The following SH3PXD2A variants were observed in gnomAD, a reference collection of about 807,000 sequenced individuals.
SH3PXD2A encodes SH3 and PX domains 2A, also known as SH3 and PX domain-containing protein 2A.
Under a neutral mutation model 115.2 loss-of-function variants are expected in SH3PXD2A, and 32 were observed. That is an observed-to-expected ratio of 0.28 (90% CI 0.21 to 0.37). The LOEUF (loss-of-function observed/expected upper bound fraction) is 0.37, where lower values mean the gene tolerates loss of function less well. Among genes scored for constraint, SH3PXD2A ranks in the 10% least tolerant of loss-of-function variants. SH3PXD2A has a pLI of 1.00. For missense variants in SH3PXD2A, 1,328 were observed against 1,498.7 expected, an observed-to-expected ratio of 0.89 and a Z score of 1.88; for synonymous variants, 610 against 629.1, an observed-to-expected ratio of 0.97 and a Z score of 0.45.
intron 5 of SH3PXD2A, among the ~76,000 whole-genome samples, chr10:103,711,990 G>A (rs1288869934): frequency 6.6e-6 from 1 of 151,836 alleles, no homozygotes; most frequent in Admixed American, 6.6e-5. Context: ...AGGCTGCAGT[G>A]AGCCACGATT....
chr10:103,748,957 T>TTTCTTTCTTTC (rs1400498762), intron 3 of SH3PXD2A, among the ~76,000 whole-genome samples: 8 of 150,932 alleles, frequency 5.3e-5, no homozygotes, highest in Admixed American at 6.6e-5. Flanking sequence ...TCCTGAAGTC[T>TTTCTTTCTTTC]TTCTTTCTTT....
intron 2 of SH3PXD2A, among the ~76,000 whole-genome samples, chr10:103,794,814 C>T (rs2039070914): frequency 6.6e-6 from 1 of 152,234 alleles, no homozygotes; most frequent in Non-Finnish European, 1.5e-5. Flanking sequence ...CTTAACTTCA[C>T]ATCTGAAAGG....
chr10:103,605,689 C>T, intron 14 of SH3PXD2A, 109 bp downstream of exon 14: 1 of 1,363,938 alleles, frequency 7.3e-7, no homozygotes, highest in Non-Finnish European at 1.0e-6. Context: ...TGTACCTTTC[C>T]TGCCTGCCTG....
chr10:103,647,492 C>G (rs2037053028), intron 8 of SH3PXD2A, among the ~76,000 whole-genome samples: 1 of 152,192 alleles, frequency 6.6e-6, no homozygotes, highest in Admixed American at 6.5e-5. Context: ...CAACAAGATG[C>G]TCTAGCTCCA....
chr10:103,769,181 T>TGCGC lies in SH3PXD2A; in HGVS notation c.154-2016_154-2013dup, dbSNP rs139822501. ...GTGTGTGTGTGTGTGTGTGTGTGTG[T>TGCGC]GCGCGCGCGCGCGCATTTATTTCCA... On this transcript the variant is annotated intron_variant, in intron 2 of 14. Coordinates refer to ENST00000369774, the MANE Select transcript of SH3PXD2A (RefSeq NM_001394015.1). Among the ~76,000 whole-genome samples, 100 of 112,990 alleles carry TGCGC rather than the reference T, an allele frequency of 8.9e-4. 1 individual carries two copies. Among genetic ancestry groups the TGCGC allele is most frequent in the African/African-American group, 2.6e-3 (86 of 33,326 alleles). The allele number at this position is 112,990 out of a possible 152,430, so 74.1% of individuals were successfully genotyped here.
Position 103,602,900 on chromosome 10 carries a change from A to G in SH3PXD2A, c.2318T>C (p.Met773Thr). 1 of 1,613,978 alleles carries G rather than the reference A, an allele frequency of 6.2e-7. No homozygotes were observed. The highest frequency in any genetic ancestry group is 8.5e-7 in the Non-Finnish European group (1 of 1,179,930). Residue 773 changes from methionine to threonine, a missense_variant, in exon 15 of 15, where the codon ATG becomes ACG. Transcript: ENST00000369774. ...CTGGCGCCGTAAAGTGCTGATGTCC[A>G]TCTTCTCTTGGCTCTGCGACTCTGC... The part of the protein sequence containing the change: ...NRAESQSQEK[M>T]DISTLRRQLR...
chr10:103,767,496 CT>C (rs1432145631), intron 2 of SH3PXD2A, among the ~76,000 whole-genome samples: 1 of 152,168 alleles, frequency 6.6e-6, no homozygotes, highest in Non-Finnish European at 1.5e-5. Context: ...TTTCCAGAGG[CT>C]CCTTTGGGCC....
chr10:103,628,608 G>A (rs2036733187), intron 8 of SH3PXD2A, among the ~76,000 whole-genome samples: 1 of 152,068 alleles, frequency 6.6e-6, no homozygotes, highest in East Asian at 1.9e-4. Context: ...TGCCTGGGGT[G>A]AGAGAAGAGA....
At chr10:103,839,614 C>G (rs2039578180) in intron 1 of SH3PXD2A, among the ~76,000 whole-genome samples, 1 of 151,830 alleles carries the variant, frequency 6.6e-6, no homozygotes, top group African/African-American at 2.4e-5. Flanking sequence ...GCCCCACCCC[C>G]AAGGCCACGC....
At chr10:103,658,747 A>G (rs2172459) in intron 8 of SH3PXD2A, among the ~76,000 whole-genome samples, 76,908 of 151,920 alleles carry the variant, frequency 0.51, 19,926 homozygotes, top group East Asian at 0.64. Context: ...GTTCAGGGAA[A>G]CTCTTTCTAC....
chr10:103,706,769 T>C lies in SH3PXD2A; in HGVS notation c.399-13713A>G, dbSNP rs184624107. On this transcript the variant is annotated intron_variant, in intron 5 of 14. Transcript: ENST00000369774. ...TGTTCTCAATCCCTGCCTGGCAGGA[T>C]AGGCAGACCCTGCATCTCTGCTCTC... Among the ~76,000 whole-genome samples the C allele has an allele frequency of 1.8e-4, 28 of 152,282 alleles. No homozygotes were observed. In the East Asian group the frequency reaches 5.4e-3, roughly 29 times the overall value.
intron 4 of SH3PXD2A, among the ~76,000 whole-genome samples, chr10:103,728,035 G>T (rs2038264436): frequency 1.3e-5 from 2 of 152,236 alleles, no homozygotes; most frequent in African/African-American, 2.4e-5. Flanking sequence ...GCATATCAGG[G>T]TTAGCAACCC....
chr10:103,817,838 C>A (rs1317847212), intron 1 of SH3PXD2A, among the ~76,000 whole-genome samples: 5 of 152,170 alleles, frequency 3.3e-5, no homozygotes, highest in Non-Finnish European at 2.9e-5. Flanking sequence ...TTATATGATT[C>A]CATTTATATG....
At chr10:103,699,006 G>C (rs1282401984) in intron 5 of SH3PXD2A, among the ~76,000 whole-genome samples, 1 of 152,158 alleles carries the variant, frequency 6.6e-6, no homozygotes, top group Non-Finnish European at 1.5e-5. Context: ...GCTGAGCAGG[G>C]CTTTGATGTC....
chr10:103,769,783 G>T (rs763107627), intron 2 of SH3PXD2A, among the ~76,000 whole-genome samples: 6 of 152,082 alleles, frequency 3.9e-5, no homozygotes, highest in Non-Finnish European at 5.9e-5. Flanking sequence ...ATAATTGCCT[G>T]CTATGTGTAA....
chr10:103,767,034 G>C (rs1219969127), intron 3 of SH3PXD2A, 60 bp downstream of exon 3: 1 of 1,318,174 alleles, frequency 7.6e-7, no homozygotes. Context: ...CTCGGCCTAA[G>C]GGAAGGACTG....
chr10:103,723,719 C>G (rs1474029770), intron 5 of SH3PXD2A, among the ~76,000 whole-genome samples: 1 of 152,178 alleles, frequency 6.6e-6, no homozygotes, highest in Non-Finnish European at 1.5e-5. Flanking sequence ...GTTTCCTCCT[C>G]TGTAAATAGG....
At chr10:103,650,690 G>A (rs531102304) in intron 8 of SH3PXD2A, among the ~76,000 whole-genome samples, 1 of 152,266 alleles carries the variant, frequency 6.6e-6, no homozygotes, top group Non-Finnish European at 1.5e-5. Context: ...CCCTGTCCCT[G>A]TCTCTGAGCA....
At chr10:103,719,365 C>T (rs956378597) in intron 5 of SH3PXD2A, among the ~76,000 whole-genome samples, 1 of 152,346 alleles carries the variant, frequency 6.6e-6, no homozygotes, top group East Asian at 1.9e-4. Flanking sequence ...TGGATCTTGG[C>T]CCTGCACCTG....
Sources: allele counts gnomAD v4.1 joint callset (sites outside exome capture counted in the v4.1 genomes callset), GRCh38; gene constraint gnomAD v4.1.1; transcripts MANE v1.5; gene names NCBI Gene and HGNC (gene_info 2026-07-23, HGNC 2026-07-21).